The following RAPGEF6 variants were observed in gnomAD, a reference collection of about 807,000 sequenced individuals.
RAPGEF6 encodes the protein Rap guanine nucleotide exchange factor 6.
A neutral mutation model predicts 171.4 loss-of-function variants in RAPGEF6; 56 were observed. The observed-to-expected ratio is 0.33, with a 90% CI of 0.26 to 0.41. The LOEUF (loss-of-function observed/expected upper bound fraction) is 0.41, where lower values mean the gene tolerates loss of function less well. Ranked by LOEUF, RAPGEF6 falls within the 10% of genes least tolerant of loss-of-function variation. The pLI, the probability that RAPGEF6 is intolerant of heterozygous loss-of-function variation, is 1.00. For missense variants in RAPGEF6, 1,674 were observed against 1,921.4 expected (o/e 0.87, Z 2.41); for synonymous variants, 692 against 650.1 (o/e 1.06, Z -0.98).
intron 20 of RAPGEF6, among the ~76,000 whole-genome samples, chr5:131,454,931 A>C (rs1246340960): frequency 6.6e-6 from 1 of 152,230 alleles, no homozygotes; most frequent in East Asian, 1.9e-4. Flanking sequence ...AGAACAATGG[A>C]ATGTCATTTC....
chr5:131,462,804 T>G (rs554204922), intron 18 of RAPGEF6, among the ~76,000 whole-genome samples: 17 of 152,352 alleles, frequency 1.1e-4, no homozygotes, highest in Admixed American at 1.1e-3. Flanking sequence ...TTCGTTCTTT[T>G]CTAATAATCC....
intron 1 of RAPGEF6, among the ~76,000 whole-genome samples, chr5:131,623,877 C>T (rs1186285695): frequency 6.6e-6 from 1 of 152,196 alleles, no homozygotes; most frequent in Non-Finnish European, 1.5e-5. Flanking sequence ...GATAAGGGTA[C>T]ACTCACTGTC....
intron 22 of RAPGEF6, among the ~76,000 whole-genome samples, chr5:131,443,789 C>T (rs1403574465): frequency 1.3e-5 from 2 of 152,122 alleles, no homozygotes; most frequent in African/African-American, 4.8e-5. Flanking sequence ...GCATTTTGTT[C>T]GTTATTACAT....
intron 5 of RAPGEF6, among the ~76,000 whole-genome samples, chr5:131,557,890 A>C (rs1289770460): frequency 6.6e-6 from 1 of 152,168 alleles, no homozygotes; most frequent in Non-Finnish European, 1.5e-5. Flanking sequence ...TGTATGTATT[A>C]CTGAAATTGG....
Position 131,592,431 on chromosome 5 carries a change from A to T in RAPGEF6, c.233T>A (p.Leu78His). 1 of 1,614,008 alleles carries T rather than the reference A, an allele frequency of 6.2e-7. No individual in the cohort carries two copies. Among genetic ancestry groups the T allele is most frequent in the Non-Finnish European group, 8.5e-7 (1 of 1,179,860 alleles). ...GCCTTTCACAAGCACAGATCCAGAA[A>T]GTAGGATATACCAACATCTGGCAAT... ...ETIARCWYIL[L>H]SGSVLVKGSM... Residue 78 changes from leucine (L) to histidine (H), a missense_variant, in exon 4 of 28, where the codon CTT becomes CAT. Coordinates refer to ENST00000509018, the MANE Select transcript of RAPGEF6 (RefSeq NM_016340.6).
intron 1 of RAPGEF6, among the ~76,000 whole-genome samples, chr5:131,610,916 A>T (rs188901747): frequency 2.6e-5 from 4 of 152,320 alleles, no homozygotes; most frequent in Admixed American, 2.6e-4. Flanking sequence ...AGTGTATTTG[A>T]ACAAAATCCC....
intron 21 of RAPGEF6, among the ~76,000 whole-genome samples, chr5:131,448,612 C>T (rs1169357535): frequency 6.6e-6 from 1 of 152,034 alleles, no homozygotes; most frequent in African/African-American, 2.4e-5. Context: ...TAGGTGTTGA[C>T]AAATCTAGGA....
intron 24 of RAPGEF6, among the ~76,000 whole-genome samples, chr5:131,437,586 CA>C (rs1312684837): frequency 1.3e-5 from 2 of 152,220 alleles, no homozygotes; most frequent in Non-Finnish European, 2.9e-5. Flanking sequence ...ACCATACAGA[CA>C]AGGAAAGTGA....
rs1009764317 is a variant in RAPGEF6, at chr5:131,450,520, T to C, written c.3200+2534A>G. Among the ~76,000 whole-genome samples, 5 of 152,330 alleles carry C rather than the reference T, an allele frequency of 3.3e-5. No homozygotes were observed. The East Asian group carries it at 5.8e-4, about 18-fold the overall frequency. ...TTTCATTTTTAAGTGCAGAAATTTC[T>C]GACAAGATGTCTTGTAAGAAATGTT... On this transcript the variant is annotated intron_variant, in intron 21 of 27. Transcript: ENST00000509018.
At chr5:131,523,042 A>C (rs2149911494) in intron 6 of RAPGEF6, among the ~76,000 whole-genome samples, 1 of 152,300 alleles carries the variant, frequency 6.6e-6, no homozygotes, top group African/African-American at 2.4e-5. Context: ...TCACATATAC[A>C]ACATCCATTG....
intron 27 of RAPGEF6, 57 bp from the exon 28 acceptor site, chr5:131,427,348 T>A: frequency 7.2e-7 from 1 of 1,384,432 alleles, no homozygotes; most frequent in African/African-American, 1.4e-5. Flanking sequence ...GAGATCCTAA[T>A]AATCTAGTTA....
chr5:131,623,076 A>G (rs1765685863), intron 1 of RAPGEF6, among the ~76,000 whole-genome samples: 1 of 152,220 alleles, frequency 6.6e-6, no homozygotes, highest in African/African-American at 2.4e-5. Context: ...AAACAAAACA[A>G]AACAAAAAAA....
At chr5:131,627,670 A>C (rs938655975) in intron 1 of RAPGEF6, among the ~76,000 whole-genome samples, 2 of 152,192 alleles carry the variant, frequency 1.3e-5, no homozygotes, top group African/African-American at 4.8e-5. Context: ...TGACGCAAAG[A>C]AGTACAGGCA....
chr5:131,570,310 C>T (rs1370237075), intron 4 of RAPGEF6, among the ~76,000 whole-genome samples: 3 of 151,996 alleles, frequency 2.0e-5, no homozygotes, highest in African/African-American at 7.2e-5. Context: ...TAAATATACA[C>T]CAGAATGGCA....
At chr5:131,582,419 T>G (rs546678489) in intron 4 of RAPGEF6, among the ~76,000 whole-genome samples, 34 of 152,290 alleles carry the variant, frequency 2.2e-4, no homozygotes, top group African/African-American at 8.2e-4. Flanking sequence ...GATCCACACC[T>G]CATATCATAT....
chr5:131,613,491 G>A (rs1038426727), intron 1 of RAPGEF6, among the ~76,000 whole-genome samples: 1 of 151,886 alleles, frequency 6.6e-6, no homozygotes, highest in African/African-American at 2.4e-5. Flanking sequence ...CCTGTCAGGG[G>A]TTGACAAACT....
rs750191051 is a variant in RAPGEF6 at position 131,446,706 on chromosome 5, A to AT, written c.3201-4dup. Reference sequence around the variant, plus strand: ...TTGTGCTTCCTTGACTCAGTGACCTATAAGAAGATGAAAATCACAATAAGG... The same window carrying AT: ...TTGTGCTTCCTTGACTCAGTGACCTATTAAGAAGATGAAAATCACAATAAGG... On this transcript the variant is annotated splice_polypyrimidine_tract_variant and splice_region_variant and intron_variant, in intron 21 of 27. Coordinates refer to ENST00000509018, the MANE Select transcript of RAPGEF6 (RefSeq NM_016340.6). The AT allele has an allele frequency of 6.2e-7, 1 of 1,611,244 alleles. No homozygotes were observed. Among genetic ancestry groups the AT allele is most frequent in the South Asian group, 1.1e-5 (1 of 90,938 alleles).
intron 4 of RAPGEF6, among the ~76,000 whole-genome samples, chr5:131,574,142 T>C (rs1456571530): frequency 6.6e-6 from 1 of 152,172 alleles, no homozygotes; most frequent in Non-Finnish European, 1.5e-5. Flanking sequence ...TTGCTTCAAA[T>C]GCCAAAAGCC....
At chr5:131,440,094 C>G (rs897654968) in intron 23 of RAPGEF6, 1 of 391,702 alleles carries the variant, frequency 2.6e-6, no homozygotes, top group Non-Finnish European at 5.0e-6. Context: ...CTCTCCAAGT[C>G]GGGGCGACGC....
Sources: allele counts gnomAD v4.1 joint callset (sites outside exome capture counted in the v4.1 genomes callset), GRCh38; gene constraint gnomAD v4.1.1; transcripts MANE v1.5; gene names NCBI Gene and HGNC (gene_info 2026-07-23, HGNC 2026-07-21).